The following SEC31A variants were observed in gnomAD, a reference collection of about 807,000 sequenced individuals.
SEC31A encodes the protein protein transport protein Sec31A.
SEC31A carries 70 observed loss-of-function variants against 151.0 expected under a neutral mutation model. The observed-to-expected ratio is 0.46, with a 90% CI of 0.38 to 0.57. The LOEUF is 0.57. Among genes scored for constraint, SEC31A ranks in the 20% least tolerant of loss-of-function variants. SEC31A has a pLI of 0.00. For missense variants in SEC31A, 1,330 were observed against 1,471.2 expected, an observed-to-expected ratio of 0.90 and a Z score of 1.57; for synonymous variants, 475 against 505.9, an observed-to-expected ratio of 0.94 and a Z score of 0.82.
At chr4:82,825,973 G>T (rs1724459880) in intron 24 of SEC31A, among the ~76,000 whole-genome samples, 1 of 152,204 alleles carries the variant, frequency 6.6e-6, no homozygotes, top group African/African-American at 2.4e-5. Context: ...CTGATAACAG[G>T]AAACAAGGAA....
At chr4:82,824,498 C>T in intron 25 of SEC31A, 57 bp downstream of exon 25, 1 of 1,583,814 alleles carries the variant, frequency 6.3e-7, no homozygotes, top group South Asian at 1.2e-5. Flanking sequence ...AGCCACCACA[C>T]CTGGCCAAGG....
At chr4:82,884,986 T>C (rs191726833) in intron 1 of SEC31A, among the ~76,000 whole-genome samples, 10 of 152,352 alleles carry the variant, frequency 6.6e-5, no homozygotes, top group Admixed American at 5.2e-4. Context: ...AATTACTTTG[T>C]TATTTAATAG....
In SEC31A at chr4:82,891,127, A is replaced by T; in HGVS notation, c.-44T>A. The T allele has an allele frequency of 6.5e-7, 1 of 1,535,926 alleles. No individual in the cohort carries two copies. The highest frequency in any genetic ancestry group is 8.7e-7 in the Non-Finnish European group (1 of 1,146,766). ...CGGCAGCCGGATCCTGCGTTAGTGCAGCGCTCGTCGGACTCTCCCAGCATT... is the reference window on the plus strand; with the variant it reads ...CGGCAGCCGGATCCTGCGTTAGTGCTGCGCTCGTCGGACTCTCCCAGCATT... On this transcript the variant is annotated 5_prime_UTR_variant, in exon 1 of 27. Coordinates refer to ENST00000395310, the MANE Select transcript of SEC31A (RefSeq NM_001077207.4).
At chr4:82,835,499 A>G (rs192147962) in intron 22 of SEC31A, among the ~76,000 whole-genome samples, 4 of 152,332 alleles carry the variant, frequency 2.6e-5, no homozygotes, top group African/African-American at 9.6e-5. Flanking sequence ...ATGGTGTAAT[A>G]TTAAGAAAAA....
At position 82,867,291 on chromosome 4, in the gene SEC31A, G is replaced by C; in HGVS notation, c.908C>G (p.Thr303Arg). The C allele has an allele frequency of 6.2e-7, 1 of 1,614,130 alleles. No individual in the cohort carries two copies. Among genetic ancestry groups the C allele is most frequent in the Non-Finnish European group, 8.5e-7 (1 of 1,180,008 alleles). ...CCACTGAATATCGAAGCACCACTGT[G>C]TGTTGGTGGGAAGTTCATATAACAC... The part of the protein sequence containing the change: ...GEVLYELPTN[T>R]QWCFDIQWCP... The change falls in exon 9 of 27, where the codon ACA becomes AGA. Residue 303 changes from threonine (T) to arginine (R), a missense_variant. Transcript: ENST00000395310.
chr4:82,824,647 T>C lies in SEC31A; in HGVS notation c.3319A>G (p.Ile1107Val). 1 of 1,601,740 alleles carries C rather than the reference T, an allele frequency of 6.2e-7. No individual in the cohort carries two copies. The highest frequency in any genetic ancestry group is 1.1e-5 in the South Asian group (1 of 89,510). Residue 1107 changes from isoleucine (I) to valine (V), a missense_variant, in exon 25 of 27, where the codon ATT becomes GTT. Coordinates refer to ENST00000395310, the MANE Select transcript of SEC31A (RefSeq NM_001077207.4). ...QHVQSLPTKK[I>V]TKKPIPDEHL... ...TCATCTGGAATAGGTTTCTTGGTAA[T>C]TTTTTTTGTTGGCAAAGACTGCACA...
Position 82,854,923 on chromosome 4 carries a change from T to C in SEC31A, c.1988A>G (p.Asp663Gly). ...LAAVLTYAKP[D>G]EFSALCDLLG... Reference sequence around the variant, plus strand: ...CTTACCACAAAGGGCTGAAAATTCATCCGGCTTTGCATAAGTCAATACTGC... The same window carrying C: ...CTTACCACAAAGGGCTGAAAATTCACCCGGCTTTGCATAAGTCAATACTGC... Residue 663 changes from aspartate to glycine, a missense_variant, in exon 17 of 27, where the codon GAT becomes GGT. Physicochemically the swap from Asp to Gly is moderately conservative, Grantham distance 94 (BLOSUM62 -1). Coordinates refer to ENST00000395310, the MANE Select transcript of SEC31A (RefSeq NM_001077207.4). 1 of 1,612,870 alleles carries C rather than the reference T, an allele frequency of 6.2e-7. No homozygotes were observed. Among genetic ancestry groups the C allele is most frequent in the Non-Finnish European group, 8.5e-7 (1 of 1,179,622 alleles).
chr4:82,888,886 C>A (rs1741590214), intron 1 of SEC31A, among the ~76,000 whole-genome samples: 2 of 152,120 alleles, frequency 1.3e-5, no homozygotes, highest in African/African-American at 4.8e-5. Context: ...AAAATACCAA[C>A]CTTGCAATGC....
chr4:82,879,000 C>A, intron 3 of SEC31A, 72 bp from the exon 4 acceptor site: 1 of 1,136,732 alleles, frequency 8.8e-7, no homozygotes. Context: ...TGAAATTATA[C>A]ACTTAATTTT....
chr4:82,842,575 G>T, intron 21 of SEC31A, 94 bp from the exon 22 acceptor site: 1 of 936,060 alleles, frequency 1.1e-6, no homozygotes, highest in African/African-American at 1.7e-5. Context: ...CTATAGAAAT[G>T]ATTTTAATCA....
chr4:82,838,885 C>T (rs11728398), intron 22 of SEC31A, among the ~76,000 whole-genome samples: 38,509 of 152,116 alleles, frequency 0.25, 5,482 homozygotes, highest in East Asian at 0.49. Context: ...AAAGTCTCTC[C>T]TATCTGTCAG....
intron 22 of SEC31A, chr4:82,829,349 T>G (rs958481462): frequency 1.5e-5 from 4 of 271,736 alleles, no homozygotes; most frequent in Admixed American, 4.9e-5. Flanking sequence ...TACTGGTGTA[T>G]GACTTTCAAA....
chr4:82,870,292 G>C (rs771683050), intron 8 of SEC31A, 33 bp downstream of exon 8: 1 of 1,518,024 alleles, frequency 6.6e-7, no homozygotes, highest in Non-Finnish European at 9.1e-7. Flanking sequence ...TACTATAAGG[G>C]CTACAAGGTT....
At chr4:82,868,621 C>T (rs936366826) in intron 8 of SEC31A, among the ~76,000 whole-genome samples, 3 of 152,142 alleles carry the variant, frequency 2.0e-5, no homozygotes, top group Non-Finnish European at 4.4e-5. Flanking sequence ...CTGCTACTCA[C>T]AGAAGCAACA....
upstream of SEC31A, among the ~76,000 whole-genome samples, chr4:82,891,569 A>C (rs1719763973): frequency 6.6e-6 from 1 of 152,188 alleles, no homozygotes; most frequent in Non-Finnish European, 1.5e-5. Context: ...AACCAGGTGG[A>C]AAATCGGGCT....
chr4:82,839,734 A>G (rs4572871), intron 22 of SEC31A, among the ~76,000 whole-genome samples: 100,495 of 152,174 alleles, frequency 0.66, 35,930 homozygotes, highest in Non-Finnish European at 0.79. Context: ...ACTAACGTGC[A>G]AGAGGTAACA....
chr4:82,870,170 C>T (rs1736327233), intron 8 of SEC31A, among the ~76,000 whole-genome samples, 155 bp downstream of exon 8: 2 of 152,164 alleles, frequency 1.3e-5, no homozygotes, highest in African/African-American at 4.8e-5. Flanking sequence ...AGATTATGTT[C>T]CTGATAAAAT....
At chr4:82,876,253 G>A (rs1737934473) in intron 4 of SEC31A, among the ~76,000 whole-genome samples, 1 of 151,876 alleles carries the variant, frequency 6.6e-6, no homozygotes. Context: ...TAGGATTACA[G>A]GCATGCACCA....
At chr4:82,887,871 C>T (rs962832914) in intron 1 of SEC31A, among the ~76,000 whole-genome samples, 2 of 151,488 alleles carry the variant, frequency 1.3e-5, no homozygotes, top group South Asian at 4.2e-4. Context: ...ACGGTGAAAC[C>T]CCGTCTCTAC....
Sources: allele counts gnomAD v4.1 joint callset (sites outside exome capture counted in the v4.1 genomes callset), GRCh38; gene constraint gnomAD v4.1.1; transcripts MANE v1.5; gene names NCBI Gene and HGNC (gene_info 2026-07-23, HGNC 2026-07-21).